The following PITPNB variants were observed in gnomAD, a reference collection of about 807,000 sequenced individuals.
PITPNB encodes the protein phosphatidylinositol transfer protein beta isoform.
Under a neutral mutation model 45.9 loss-of-function variants are expected in PITPNB, and 16 were observed. The observed-to-expected ratio is 0.35, with a 90% CI of 0.24 to 0.53. The LOEUF (loss-of-function observed/expected upper bound fraction) is 0.53. Ranked by LOEUF, PITPNB falls within the 20% of genes least tolerant of loss-of-function variation. The pLI is 0.93. For synonymous variants in PITPNB, 112 were observed against 108.9 expected, an observed-to-expected ratio of 1.03 and a Z score of -0.18; for missense variants, 188 against 330.5, an observed-to-expected ratio of 0.57 and a Z score of 3.34.
chr22:27,916,193 A>C (rs1012614400), intron 1 of PITPNB, among the ~76,000 whole-genome samples: 4 of 152,230 alleles, frequency 2.6e-5, no homozygotes, highest in Non-Finnish European at 5.9e-5. Context: ...AATTCTTTCA[A>C]AAAATTAAAG....
intron 7 of PITPNB, among the ~76,000 whole-genome samples, chr22:27,890,030 A>G (rs1935228130): frequency 6.6e-6 from 1 of 152,230 alleles, no homozygotes; most frequent in East Asian, 1.9e-4. Context: ...GGCCCAAACA[A>G]TGGGGCGGAA....
At chr22:27,864,955 G>GA (rs1601382040) in intron 8 of PITPNB, among the ~76,000 whole-genome samples, 4 of 143,628 alleles carry the variant, frequency 2.8e-5, no homozygotes, top group Admixed American at 6.9e-5. Flanking sequence ...TCAAAAAAAA[G>GA]AAAAAAAAAG....
intron 1 of PITPNB, among the ~76,000 whole-genome samples, chr22:27,918,895 A>G (rs1429698440): frequency 6.7e-6 from 1 of 150,038 alleles, no homozygotes; most frequent in African/African-American, 2.5e-5. Context: ...CCCAGCGGAA[A>G]CTCCCGGCCG....
At chr22:27,900,335 A>G (rs1169845230) in intron 3 of PITPNB, among the ~76,000 whole-genome samples, 1 of 152,200 alleles carries the variant, frequency 6.6e-6, no homozygotes, top group Non-Finnish European at 1.5e-5. Context: ...CTTAATATTC[A>G]TAAAATGTTC....
chr22:27,862,407 A>G (rs1337349638), intron 8 of PITPNB, among the ~76,000 whole-genome samples: 1 of 152,182 alleles, frequency 6.6e-6, no homozygotes, highest in Non-Finnish European at 1.5e-5. Context: ...AGAGTCCTAC[A>G]TGATTGATCA....
chr22:27,887,663 C>T (rs117363361), intron 7 of PITPNB, among the ~76,000 whole-genome samples: 2,183 of 152,106 alleles, frequency 0.014, 36 homozygotes, highest in South Asian at 0.045. Flanking sequence ...ACTAAGCTCT[C>T]GATTCTAGTG....
intron 9 of PITPNB, among the ~76,000 whole-genome samples, chr22:27,859,558 T>TCTAA (rs1446059496): frequency 6.6e-6 from 1 of 152,140 alleles, no homozygotes; most frequent in Admixed American, 6.5e-5. Context: ...TCCTCCTAGA[T>TCTAA]CTAACTGCCC....
At chr22:27,884,994 G>A (rs772326352) in intron 7 of PITPNB, among the ~76,000 whole-genome samples, 2 of 150,262 alleles carry the variant, frequency 1.3e-5, no homozygotes, top group Non-Finnish European at 3.0e-5. Flanking sequence ...ATCTAAAAAT[G>A]TGGTTCCAAT....
At chr22:27,917,259 C>T (rs1936107922) in intron 1 of PITPNB, among the ~76,000 whole-genome samples, 1 of 152,230 alleles carries the variant, frequency 6.6e-6, no homozygotes, top group South Asian at 2.1e-4. Flanking sequence ...CAAGAGTTAG[C>T]TTCATACTAC....
At chr22:27,892,371 C>T (rs1935304547) in intron 7 of PITPNB, among the ~76,000 whole-genome samples, 1 of 152,200 alleles carries the variant, frequency 6.6e-6, no homozygotes, top group African/African-American at 2.4e-5. Flanking sequence ...TCCAGCAAAA[C>T]CAAAGGTATC....
chr22:27,919,062 G>A (rs1361671242), intron 1 of PITPNB, 110 bp downstream of exon 1: 1 of 1,553,092 alleles, frequency 6.4e-7, no homozygotes, highest in African/African-American at 1.4e-5. Context: ...CCGCAGGGAG[G>A]GGCTGACACA....
rs569227709 is a variant in PITPNB at position 27,905,866 on chromosome 22, CT to C, written c.197+5097del. Among the ~76,000 whole-genome samples the C allele has an allele frequency of 6.8e-3, 1,029 of 152,324 alleles. 7 individuals are homozygous for C. The highest frequency in any genetic ancestry group is 0.022 in the African/African-American group (935 of 41,580). ...AGTGAGGTCTCAGGAGAGCTACAAG[CT>C]TTTCTCTGAAATACCATCTGAAAGT... On this transcript the variant is annotated intron_variant, in intron 3 of 11. Transcript: ENST00000335272.
chr22:27,877,345 T>C (rs1466101355), intron 7 of PITPNB, among the ~76,000 whole-genome samples: 3 of 152,198 alleles, frequency 2.0e-5, no homozygotes, highest in African/African-American at 7.2e-5. Flanking sequence ...GCATAAGGTA[T>C]ATTCGGATTA....
chr22:27,892,691 G>T lies in PITPNB; in HGVS notation c.456+1864C>A, dbSNP rs1432468422. ...GTAAACAATACCAAGAGAAATAAAA[G>T]GGCATAACAGATATATCATTTCATT... On this transcript the variant is annotated intron_variant, in intron 7 of 11. Transcript: ENST00000335272. 2.6e-5 allele frequency among the ~76,000 whole-genome samples: 4 copies of T among 152,084 alleles called. No homozygotes were observed. The East Asian group carries it at 7.7e-4, about 29-fold the overall frequency.
chr22:27,912,170 A>G (rs998659985), intron 2 of PITPNB, among the ~76,000 whole-genome samples: 4 of 152,230 alleles, frequency 2.6e-5, no homozygotes, highest in African/African-American at 7.2e-5. Flanking sequence ...TGAGGGACCA[A>G]AACAACAGGT....
chr22:27,899,587 T>G (rs989358636), intron 3 of PITPNB, among the ~76,000 whole-genome samples: 4 of 152,182 alleles, frequency 2.6e-5, no homozygotes, highest in Non-Finnish European at 5.9e-5. Context: ...CCTCCCAAAG[T>G]GCTGGTATTA....
intron 7 of PITPNB, among the ~76,000 whole-genome samples, chr22:27,892,957 G>A (rs1276574196): frequency 6.6e-6 from 1 of 152,180 alleles, no homozygotes; most frequent in Non-Finnish European, 1.5e-5. Flanking sequence ...CTTTGTTCAG[G>A]CAAGTTTACC....
At chr22:27,868,793 C>G (rs896669042) in intron 8 of PITPNB, among the ~76,000 whole-genome samples, 1 of 152,150 alleles carries the variant, frequency 6.6e-6, no homozygotes, top group Non-Finnish European at 1.5e-5. Flanking sequence ...AGAGCTCTGG[C>G]TGAGACTTCC....
At chr22:27,914,721 T>C (rs186286607) in intron 1 of PITPNB, among the ~76,000 whole-genome samples, 1 of 152,370 alleles carries the variant, frequency 6.6e-6, no homozygotes, top group Admixed American at 6.5e-5. Flanking sequence ...GGTTTCATTC[T>C]CCACCTATAT....
Sources: allele counts gnomAD v4.1 joint callset (sites outside exome capture counted in the v4.1 genomes callset), GRCh38; gene constraint gnomAD v4.1.1; transcripts MANE v1.5; gene names NCBI Gene and HGNC (gene_info 2026-07-23, HGNC 2026-07-21).